Variants in TRAK1 observed in about 807,000 individuals in gnomAD.
The protein encoded by TRAK1 is trafficking kinesin-binding protein 1.
Under a neutral mutation model 92.1 loss-of-function variants are expected in TRAK1, and 33 were observed. The ratio of observed to expected loss-of-function variants is 0.36; its 90% confidence interval spans 0.27 to 0.48. TRAK1 has a LOEUF of 0.48. TRAK1 is among the 20% of genes least tolerant of loss of function. The pLI is 0.99. For missense variants in TRAK1, 1,123 were observed against 1,257.9 expected, an observed-to-expected ratio of 0.89 and a Z score of 1.62; for synonymous variants, 521 against 517.3, an observed-to-expected ratio of 1.01 and a Z score of -0.10.
chr3:42,095,374 A>G (rs1024731776), intron 1 of TRAK1, among the ~76,000 whole-genome samples: 5 of 152,130 alleles, frequency 3.3e-5, no homozygotes, highest in African/African-American at 7.2e-5. Context: ...TCTTTAAGTT[A>G]CTGTTCTTCA....
intron 2 of TRAK1, among the ~76,000 whole-genome samples, chr3:42,155,259 A>G (rs192712914): frequency 1.3e-3 from 193 of 152,244 alleles, no homozygotes; most frequent in Middle Eastern, 6.8e-3. Context: ...TACTCAAGAC[A>G]TGTTTAATAA....
chr3:42,136,283 T>C (rs1249138750), intron 2 of TRAK1, among the ~76,000 whole-genome samples: 1 of 152,184 alleles, frequency 6.6e-6, no homozygotes, highest in Non-Finnish European at 1.5e-5. Flanking sequence ...GTTCTTCAGC[T>C]CTTGGTACCT....
At chr3:42,185,442 C>T (rs1002962812) in intron 4 of TRAK1, among the ~76,000 whole-genome samples, 1 of 152,106 alleles carries the variant, frequency 6.6e-6, no homozygotes, top group Non-Finnish European at 1.5e-5. Flanking sequence ...AGCTTTTCGG[C>T]TTATCTTAGG....
At chr3:42,176,930 T>C (rs1361937503) in intron 3 of TRAK1, 40 bp downstream of exon 3, 4 of 1,575,642 alleles carry the variant, frequency 2.5e-6, no homozygotes, top group Non-Finnish European at 3.5e-6. Flanking sequence ...TGTTTATAAT[T>C]GACTGGTTTT....
intron 1 of TRAK1, among the ~76,000 whole-genome samples, chr3:42,108,315 C>T (rs1011923240): frequency 2.0e-5 from 3 of 151,816 alleles, no homozygotes; most frequent in Non-Finnish European, 4.4e-5. Flanking sequence ...CATGGGGAAA[C>T]CCCATCTTTA....
At chr3:42,139,052 G>A (rs1208818874) in intron 2 of TRAK1, among the ~76,000 whole-genome samples, 2 of 151,936 alleles carry the variant, frequency 1.3e-5, no homozygotes, top group African/African-American at 4.8e-5. Context: ...GTGCTGAGTT[G>A]GAAAGGGGAT....
chr3:42,119,937 A>G (rs921587148), intron 1 of TRAK1, among the ~76,000 whole-genome samples: 1 of 152,240 alleles, frequency 6.6e-6, no homozygotes, highest in Non-Finnish European at 1.5e-5. Flanking sequence ...AAAGAGCAAT[A>G]GTATGATTTA....
chr3:42,222,328 G>T (rs1710440716), intron 15 of TRAK1, among the ~76,000 whole-genome samples: 1 of 152,146 alleles, frequency 6.6e-6, no homozygotes, highest in South Asian at 2.1e-4. Flanking sequence ...AGGGTTAAGG[G>T]CAGCACGGTG....
chr3:42,096,702 C>T (rs1350846298), intron 1 of TRAK1, among the ~76,000 whole-genome samples: 1 of 152,228 alleles, frequency 6.6e-6, no homozygotes, highest in African/African-American at 2.4e-5. Flanking sequence ...CCTGCCCCTG[C>T]AGGTAGAATT....
chr3:42,184,647 G>T, intron 3 of TRAK1, 38 bp from the exon 4 acceptor site: 1 of 1,598,554 alleles, frequency 6.3e-7, no homozygotes, highest in Non-Finnish European at 8.6e-7. Flanking sequence ...GGAAACACAG[G>T]TCTTTTGAAT....
chr3:42,184,635 C>T, intron 3 of TRAK1, 50 bp from the exon 4 acceptor site: 1 of 1,575,062 alleles, frequency 6.3e-7, no homozygotes, highest in East Asian at 2.2e-5. Flanking sequence ...TTGACTCCTT[C>T]AGGAAACACA....
intron 1 of TRAK1, among the ~76,000 whole-genome samples, chr3:42,022,387 T>A (rs571626904): frequency 2.6e-5 from 4 of 152,220 alleles, no homozygotes; most frequent in Non-Finnish European, 5.9e-5. Flanking sequence ...CTGCAGTAGA[T>A]GTTTTATACT....
chr3:42,160,031 C>A, intron 2 of TRAK1: 1 of 414,564 alleles, frequency 2.4e-6, no homozygotes, highest in Middle Eastern at 9.1e-4. Flanking sequence ...CGAGAGCTTG[C>A]TGAGATCCTG....
intron 1 of TRAK1, among the ~76,000 whole-genome samples, chr3:42,074,868 G>A (rs932103744): frequency 1.3e-5 from 2 of 152,050 alleles, no homozygotes; most frequent in African/African-American, 4.8e-5. Context: ...CTTCAAGTAG[G>A]CCCCATCGTC....
intron 1 of TRAK1, among the ~76,000 whole-genome samples, chr3:42,096,593 G>A (rs1192989043): frequency 2.0e-5 from 3 of 152,284 alleles, no homozygotes; most frequent in Admixed American, 6.5e-5. Flanking sequence ...ATGCCTTACC[G>A]TACTATAAAG....
chr3:42,034,667 G>T (rs960394449), intron 1 of TRAK1, among the ~76,000 whole-genome samples: 1 of 151,894 alleles, frequency 6.6e-6, no homozygotes, highest in Non-Finnish European at 1.5e-5. Flanking sequence ...TTTCTCAAAC[G>T]CTGTACCTCA....
intron 1 of TRAK1, among the ~76,000 whole-genome samples, chr3:42,050,185 G>T (rs926927452): frequency 1.4e-5 from 2 of 142,710 alleles, no homozygotes; most frequent in Non-Finnish European, 3.0e-5. Flanking sequence ...AACTGAGGGT[G>T]GGGGGGTGTG....
At chr3:42,183,860 G>A (rs926920611) in intron 3 of TRAK1, among the ~76,000 whole-genome samples, 3 of 152,144 alleles carry the variant, frequency 2.0e-5, no homozygotes, top group African/African-American at 7.2e-5. Flanking sequence ...TGCTGATGGC[G>A]TCTGTCCACT....
rs1447428872 is a variant in TRAK1, at chr3:42,223,906, T to C, written c.*169T>C. On this transcript the variant is annotated 3_prime_UTR_variant, in exon 16 of 16. Transcript: ENST00000327628. This position sits in a 1 kb window ranked among gnomAD's most constrained non-coding sequence, Gnocchi z 6.1. ...CCTAATGGAGGAAGTGTGGAAACTT[T>C]GTAAAATGTGTACATAGGACTTGGA... The C allele has an allele frequency of 3.9e-6, 3 of 762,064 alleles. No homozygotes were observed. Among genetic ancestry groups the C allele is most frequent in the Non-Finnish European group, 6.4e-6 (3 of 470,238 alleles). The allele number at this position is 762,064 out of a possible 1,614,324, so 47.2% of individuals were successfully genotyped here.
Sources: gnomAD v4.1 joint callset for allele counts (sites outside exome capture counted in the v4.1 genomes callset) on GRCh38, gnomAD v4.1.1 for gene constraint, Gnocchi (gnomAD v3.1) non-coding constraint, MANE v1.5 for transcripts, NCBI Gene and HGNC (gene_info 2026-07-23, HGNC 2026-07-21) for gene names.